Variants in KIAA0513 observed in about 807,000 individuals in gnomAD.
KIAA0513 encodes the protein KIAA0513.
A neutral mutation model predicts 56.5 loss-of-function variants in KIAA0513; 39 were observed. The observed-to-expected ratio is 0.69, with a 90% CI of 0.53 to 0.90. KIAA0513 has a LOEUF of 0.90. Ranked by LOEUF, KIAA0513 falls within the 40% of genes least tolerant of loss-of-function variation. The probability of loss-of-function intolerance (pLI) is 0.00; values close to 1 mark genes in which losing one functional copy is unlikely to be tolerated. For synonymous variants in KIAA0513, 268 were observed against 215.6 expected, an observed-to-expected ratio of 1.24 and a Z score of -2.13; for missense variants, 591 against 535.2, an observed-to-expected ratio of 1.10 and a Z score of -1.03.
chr16:85,052,367 C>G (rs949697594), intron 1 of KIAA0513, among the ~76,000 whole-genome samples: 1 of 151,930 alleles, frequency 6.6e-6, no homozygotes, highest in Non-Finnish European at 1.5e-5. Context: ...AAAAAGCTAG[C>G]CAGGCCTGGT....
At chr16:85,082,510 T>C (rs1269040766) in intron 9 of KIAA0513, 54 bp from the exon 10 acceptor site, 4 of 1,589,688 alleles carry the variant, frequency 2.5e-6, no homozygotes, top group East Asian at 2.2e-5. Context: ...CATCCACATA[T>C]CTTGCATGAC....
intron 1 of KIAA0513, among the ~76,000 whole-genome samples, chr16:85,043,401 A>AT (rs761248323): frequency 0.022 from 1,698 of 77,932 alleles, 105 homozygotes; most frequent in Admixed American, 0.055. Context: ...TGCTTCTTGG[A>AT]TTTTTTTTTT....
At position 85,093,575 on chromosome 16, in the gene KIAA0513, CCTT is replaced by C. The variant is rs2144135542; in HGVS notation, c.*5251_*5253del. The C allele has an allele frequency of 6.5e-6, 1 of 152,734 alleles. No homozygotes were observed. The highest frequency in any genetic ancestry group is 1.5e-5 in the Non-Finnish European group (1 of 68,068). The allele number at this position is 152,734 out of a possible 1,614,324, so 9.5% of individuals were successfully genotyped here. ...AACTGGGGGGCTGCGCCCGCTCCCT[CCTT>C]AATCCTAGATGATTTGCTCATGAAA... On this transcript the variant is annotated 3_prime_UTR_variant, in exon 13 of 13. Coordinates refer to ENST00000683363, the MANE Select transcript of KIAA0513 (RefSeq NM_001388359.1).
chr16:85,048,024 G>A (rs948778585), intron 1 of KIAA0513, among the ~76,000 whole-genome samples: 1 of 152,206 alleles, frequency 6.6e-6, no homozygotes, highest in Non-Finnish European at 1.5e-5. Context: ...AAGGAAACCA[G>A]AACCATAAGG....
chr16:85,080,870 A>T (rs2073733342), intron 8 of KIAA0513, among the ~76,000 whole-genome samples: 1 of 152,234 alleles, frequency 6.6e-6, no homozygotes, highest in Admixed American at 6.5e-5. Flanking sequence ...CGCTCAGCAC[A>T]CGAGGAGTCC....
In KIAA0513 at chr16:85,086,730, G is replaced by C; in HGVS notation, c.1091+6G>C. ...ATCACCTTCGGGCAGCTGGGGTAAGGGCCAGAGTGGGAAAGCGGGAGGGGA... is the reference window on the plus strand; with the variant it reads ...ATCACCTTCGGGCAGCTGGGGTAAGCGCCAGAGTGGGAAAGCGGGAGGGGA... On this transcript the variant is annotated splice_donor_region_variant and intron_variant, in intron 11 of 12. Transcript: ENST00000683363. 1 of 1,610,672 alleles carries C rather than the reference G, an allele frequency of 6.2e-7. No individual in the cohort carries two copies. Among genetic ancestry groups the C allele is most frequent in the Non-Finnish European group, 8.5e-7 (1 of 1,178,784 alleles).
chr16:85,086,085 G>A (rs2073804340), intron 10 of KIAA0513, among the ~76,000 whole-genome samples: 1 of 152,246 alleles, frequency 6.6e-6, no homozygotes. Context: ...ACAGGGGACA[G>A]TGTGGCCCTC....
Position 85,087,139 on chromosome 16 carries a change from C to G in KIAA0513, c.1159C>G (p.Gln387Glu), listed in dbSNP as rs1265636944. ...GCTGTGCAATGACTTCCTGAAGAAG[C>G]AGGCTGTGATTGGCAACCTGGATGA... ...KKLCNDFLKKQAVIGNLDEEQ... is the reference protein window; with the variant it reads ...KKLCNDFLKKEAVIGNLDEEQ... Residue 387 changes from glutamine (Q) to glutamate (E), a missense_variant, in exon 12 of 13, where the codon CAG (glutamine) becomes GAG (glutamate). Coordinates refer to ENST00000683363, the MANE Select transcript of KIAA0513 (RefSeq NM_001388359.1). 1 of 1,614,036 alleles carries G rather than the reference C, an allele frequency of 6.2e-7. No homozygotes were observed. Among genetic ancestry groups the G allele is most frequent in the Non-Finnish European group, 8.5e-7 (1 of 1,180,006 alleles).
chr16:85,078,347 C>T (rs1170535215), intron 6 of KIAA0513, 68 bp from the exon 7 acceptor site: 13 of 1,561,878 alleles, frequency 8.3e-6, no homozygotes, highest in African/African-American at 2.7e-5. Context: ...AAGTGTAGAA[C>T]AGCGTCTTTG....
intron 1 of KIAA0513, among the ~76,000 whole-genome samples, chr16:85,033,327 A>G (rs936518742): frequency 5.3e-5 from 8 of 152,278 alleles, no homozygotes; most frequent in East Asian, 1.9e-4. Flanking sequence ...GGGATGCCAC[A>G]GCTGCTTCAG....
rs556687347 is a variant in KIAA0513 at position 85,090,389 on chromosome 16, C to T, written c.*2064C>T. On this transcript the variant is annotated 3_prime_UTR_variant, in exon 13 of 13. Transcript: ENST00000683363. The stretch of plus-strand genomic sequence containing the variant: ...ACTTTGTTCTGCGGTGCCCACAGGA[C>T]TTACCCCTGTATGTACAGGATTTTT... The T allele has an allele frequency of 1.3e-5, 2 of 152,188 alleles. No homozygotes were observed. The highest frequency in any genetic ancestry group is 2.9e-5 in the Non-Finnish European group (2 of 68,054). 9.4% of individuals were successfully genotyped at this position (152,188 alleles called of 1,614,324 possible).
chr16:85,062,451 G>C (rs1275504221), intron 1 of KIAA0513, among the ~76,000 whole-genome samples: 1 of 152,192 alleles, frequency 6.6e-6, no homozygotes, highest in African/African-American at 2.4e-5. Flanking sequence ...TAACCGCAGG[G>C]GGGTTGCAGT....
chr16:85,086,540 C>A, intron 10 of KIAA0513, 104 bp from the exon 11 acceptor site: 1 of 1,076,200 alleles, frequency 9.3e-7, no homozygotes, highest in Admixed American at 2.0e-5. Flanking sequence ...CCGGTGGGGG[C>A]CGTACATGGG....
intron 4 of KIAA0513, among the ~76,000 whole-genome samples, chr16:85,075,428 C>T (rs1204594350): frequency 4.6e-5 from 7 of 152,182 alleles, no homozygotes; most frequent in Admixed American, 1.3e-4. Context: ...TGGGCGGGAG[C>T]CTGAGAGCCA....
In KIAA0513 at chr16:85,081,280, C is replaced by G; in HGVS notation, c.903-35C>G. ...ACAACCCGTGTCCTCCCCGCCTCCC[C>G]TTGGAGAGAGTGTGACTGGGGCTCT... On this transcript the variant is annotated intron_variant, in intron 8 of 12. Coordinates refer to ENST00000683363, the MANE Select transcript of KIAA0513 (RefSeq NM_001388359.1). The surrounding 1 kb of genome is among the most constrained non-coding windows in gnomAD (Gnocchi z 4.4). 6 of 1,608,266 alleles carry G rather than the reference C, an allele frequency of 3.7e-6. No individual in the cohort carries two copies. The highest frequency in any genetic ancestry group is 2.2e-5 in the South Asian group (2 of 90,798).
At chr16:85,073,045 T>C (rs1597631668) in intron 4 of KIAA0513, 47 bp downstream of exon 4, 4 of 1,493,044 alleles carry the variant, frequency 2.7e-6, no homozygotes, top group Non-Finnish European at 3.7e-6. Flanking sequence ...AAGCTCCTCT[T>C]CCCTCCCTGC....
chr16:85,057,297 C>G (rs1385786057), intron 1 of KIAA0513, among the ~76,000 whole-genome samples: 1 of 152,162 alleles, frequency 6.6e-6, no homozygotes, highest in Non-Finnish European at 1.5e-5. Flanking sequence ...ATAGTTTTTT[C>G]TCCTTTCAGT....
intron 10 of KIAA0513, among the ~76,000 whole-genome samples, chr16:85,083,981 G>A (rs926300928): frequency 6.6e-6 from 1 of 151,944 alleles, no homozygotes; most frequent in South Asian, 2.1e-4. Context: ...GATTCCCACT[G>A]TAGCGGTGTA....
chr16:85,030,118 C>T (rs1171905071), intron 1 of KIAA0513, among the ~76,000 whole-genome samples: 1 of 152,206 alleles, frequency 6.6e-6, no homozygotes, highest in Non-Finnish European at 1.5e-5. Flanking sequence ...ACCGAGTCTG[C>T]CGCAGCACCC....
Sources: allele counts gnomAD v4.1 joint callset (sites outside exome capture counted in the v4.1 genomes callset), GRCh38; gene constraint gnomAD v4.1.1; non-coding constraint Gnocchi (gnomAD v3.1); transcripts MANE v1.5; gene names NCBI Gene and HGNC (gene_info 2026-07-23, HGNC 2026-07-21).